Variants in CCDC30 observed in about 807,000 individuals in gnomAD.
CCDC30 encodes coiled-coil domain-containing protein 30.
In CCDC30, 70 loss-of-function variants were observed where a neutral mutation model predicts 100.2. That is an observed-to-expected ratio of 0.70 (90% CI 0.58 to 0.85). CCDC30 has a LOEUF of 0.85. CCDC30 is among the 40% of genes least tolerant of loss of function. CCDC30 has a pLI of 0.00. For synonymous variants in CCDC30, 233 were observed against 269.5 expected, an observed-to-expected ratio of 0.86 and a Z score of 1.33; for missense variants, 652 against 771.2, an observed-to-expected ratio of 0.85 and a Z score of 1.83.
intron 3 of CCDC30, among the ~76,000 whole-genome samples, chr1:42,485,992 GT>G (rs1644044390): frequency 6.6e-6 from 1 of 152,340 alleles, no homozygotes; most frequent in East Asian, 1.9e-4. Flanking sequence ...AGTGACAACT[GT>G]TGGTAAGGAT....
At chr1:42,577,517 T>C (rs1645865411) in intron 8 of CCDC30, among the ~76,000 whole-genome samples, 1 of 152,220 alleles carries the variant, frequency 6.6e-6, no homozygotes, top group African/African-American at 2.4e-5. Flanking sequence ...TATTTTCACA[T>C]TTGAGAAGGC....
At chr1:42,473,127 AG>A in intron 1 of CCDC30, 1 of 1,228,376 alleles carries the variant, frequency 8.1e-7, no homozygotes. Flanking sequence ...TCAAGGGAAA[AG>A]TTCAGTTAGA....
At chr1:42,648,687 C>CA (rs1648091091) in intron 15 of CCDC30, among the ~76,000 whole-genome samples, 1 of 151,046 alleles carries the variant, frequency 6.6e-6, no homozygotes, top group African/African-American at 2.4e-5. Flanking sequence ...AACAAACAAA[C>CA]AAAAAAGATT....
At chr1:42,647,710 A>G (rs544638516) in intron 15 of CCDC30, among the ~76,000 whole-genome samples, 64 of 152,344 alleles carry the variant, frequency 4.2e-4, no homozygotes, top group African/African-American at 1.4e-3. Context: ...AAAAACAGAA[A>G]TTGTGTCAAG....
intron 7 of CCDC30, among the ~76,000 whole-genome samples, chr1:42,568,029 C>G (rs1008998568): frequency 1.3e-5 from 2 of 152,064 alleles, no homozygotes; most frequent in African/African-American, 4.8e-5. Context: ...AAGACATCAG[C>G]CTCTTGATTA....
intron 6 of CCDC30, among the ~76,000 whole-genome samples, chr1:42,545,969 A>G (rs1001881240): frequency 2.7e-5 from 4 of 149,202 alleles, no homozygotes; most frequent in African/African-American, 7.4e-5. Flanking sequence ...AATAATAATA[A>G]TTTAATATTC....
chr1:42,537,433 T>C, intron 6 of CCDC30: 1 of 359,994 alleles, frequency 2.8e-6, no homozygotes, highest in Non-Finnish European at 5.4e-6. Context: ...TCATTTACCC[T>C]CTTCCTGTGG....
At chr1:42,463,065 A>G (rs1643454176), upstream of CCDC30, among the ~76,000 whole-genome samples, 1 of 152,256 alleles carries the variant, frequency 6.6e-6, no homozygotes. Flanking sequence ...CTAAGTCGCA[A>G]ACGCTCGACA....
chr1:42,469,379 TG>T (rs1404858636), intron 1 of CCDC30, among the ~76,000 whole-genome samples: 1 of 151,996 alleles, frequency 6.6e-6, no homozygotes, highest in African/African-American at 2.4e-5. Context: ...TTGAGTACAA[TG>T]GTAAGAGCAG....
intron 6 of CCDC30, among the ~76,000 whole-genome samples, chr1:42,505,038 C>T (rs1644374731): frequency 6.6e-6 from 1 of 152,068 alleles, no homozygotes; most frequent in Non-Finnish European, 1.5e-5. Flanking sequence ...ACTCTCTGTC[C>T]AATATTTCAG....
In CCDC30 at chr1:42,575,416, G is replaced by A. The variant is rs537448023; in HGVS notation, c.637-1604G>A. Among the ~76,000 whole-genome samples, 15 of 151,992 alleles carry A rather than the reference G, an allele frequency of 9.9e-5. No homozygotes were observed. The South Asian group carries it at 1.0e-3, about 11-fold the overall frequency. ...CGTAATCCCAGCACTTTGGGAGGCC[G>A]AGGCGGGCAGATCACAAGGTTAGGA... On this transcript the variant is annotated intron_variant, in intron 7 of 16. Transcript: ENST00000668663.
At chr1:42,656,308 C>G (rs1037150523), downstream of CCDC30, among the ~76,000 whole-genome samples, 17 of 152,200 alleles carry the variant, frequency 1.1e-4, no homozygotes, top group African/African-American at 4.1e-4. Flanking sequence ...TAATATTGCT[C>G]TAGGACATCA....
rs115780792 is a variant in CCDC30 at position 42,559,451 on chromosome 1, A to G, written c.457-6845A>G. 9.1e-3 allele frequency among the ~76,000 whole-genome samples: 1,392 copies of G among 152,234 alleles called. 21 individuals are homozygous for G. The highest frequency in any genetic ancestry group is 0.032 in the African/African-American group (1,339 of 41,536). On this transcript the variant is annotated intron_variant, in intron 6 of 16. Transcript: ENST00000668663. ...TCAAAATAAAGGGAGGGAGGAAAAT[A>G]TACAAAGCAAATGGAAAGCAAAAAA...
intron 1 of CCDC30, among the ~76,000 whole-genome samples, chr1:42,476,611 A>T (rs1643884271): frequency 6.6e-6 from 1 of 151,326 alleles, no homozygotes; most frequent in Admixed American, 6.6e-5. Context: ...AATTGCTTGA[A>T]CCTGGGAGGC....
At chr1:42,650,497 A>G (rs12036297) in intron 15 of CCDC30, among the ~76,000 whole-genome samples, 43 of 136,294 alleles carry the variant, frequency 3.2e-4, no homozygotes, top group African/African-American at 5.3e-4. Context: ...AAAAATATAT[A>G]TGTGTGTGTG....
chr1:42,575,892 A>G (rs1387094001), intron 7 of CCDC30, among the ~76,000 whole-genome samples: 1 of 152,164 alleles, frequency 6.6e-6, no homozygotes, highest in Non-Finnish European at 1.5e-5. Flanking sequence ...GCAACCATAC[A>G]ATGAGAAGGG....
At chr1:42,608,990 A>G (rs1646563878) in intron 10 of CCDC30, among the ~76,000 whole-genome samples, 1 of 152,234 alleles carries the variant, frequency 6.6e-6, no homozygotes, top group Non-Finnish European at 1.5e-5. Context: ...TGAAACTAAC[A>G]CAAACAATGA....
At chr1:42,531,093 G>T (rs752171746) in intron 6 of CCDC30, among the ~76,000 whole-genome samples, 6 of 151,748 alleles carry the variant, frequency 4.0e-5, no homozygotes, top group African/African-American at 1.5e-4. Flanking sequence ...GGAGGTGATT[G>T]GATCATGGGG....
At chr1:42,566,970 A>G (rs1489464926) in intron 7 of CCDC30, among the ~76,000 whole-genome samples, 3 of 152,230 alleles carry the variant, frequency 2.0e-5, no homozygotes, top group African/African-American at 2.4e-5. Flanking sequence ...ATTCAACTAA[A>G]TTTTATGGAC....
Sources: allele counts gnomAD v4.1 joint callset (sites outside exome capture counted in the v4.1 genomes callset), GRCh38; gene constraint gnomAD v4.1.1; transcripts MANE v1.5; gene names NCBI Gene and HGNC (gene_info 2026-07-23, HGNC 2026-07-21).